The following TRAPPC9 variants were observed in gnomAD, a reference collection of about 807,000 sequenced individuals.
TRAPPC9 encodes IKK2 binding protein.
TRAPPC9 carries 83 observed loss-of-function variants against 124.0 expected under a neutral mutation model. The ratio of observed to expected loss-of-function variants is 0.67; its 90% CI spans 0.56 to 0.80. The LOEUF is 0.80. Ranked by LOEUF, TRAPPC9 falls within the 30% of genes least tolerant of loss-of-function variation. TRAPPC9 has a pLI of 0.00. For synonymous variants in TRAPPC9, 638 were observed against 617.5 expected, an observed-to-expected ratio of 1.03 and a Z score of -0.49; for missense variants, 1,302 against 1,508.3, an observed-to-expected ratio of 0.86 and a Z score of 2.27.
chr8:139,902,442 G>C (rs1022220739), intron 20 of TRAPPC9, among the ~76,000 whole-genome samples: 3 of 152,212 alleles, frequency 2.0e-5, no homozygotes, highest in African/African-American at 7.2e-5. Context: ...TGCTACGGGA[G>C]ATTAAAGGCC....
intron 18 of TRAPPC9, among the ~76,000 whole-genome samples, chr8:139,995,861 TAAA>T (rs35970083): frequency 8.6e-4 from 83 of 96,890 alleles, no homozygotes; most frequent in African/African-American, 3.1e-3. Context: ...TACTCTGCAT[TAAA>T]AAAAAAAAAA....
intron 17 of TRAPPC9, among the ~76,000 whole-genome samples, chr8:140,134,352 C>T (rs4736142): frequency 0.44 from 66,098 of 151,846 alleles, 14,580 homozygotes; most frequent in African/African-American, 0.5. Flanking sequence ...CTGCAACCTC[C>T]GCCTCCTGAG....
At chr8:140,222,871 A>G (rs1290541581) in intron 16 of TRAPPC9, among the ~76,000 whole-genome samples, 1 of 152,202 alleles carries the variant, frequency 6.6e-6, no homozygotes, top group Non-Finnish European at 1.5e-5. Flanking sequence ...AACTTGTGCA[A>G]GAAATCACGT....
chr8:140,323,381 G>A (rs577050921), intron 9 of TRAPPC9, among the ~76,000 whole-genome samples: 6 of 152,164 alleles, frequency 3.9e-5, no homozygotes, highest in East Asian at 1.9e-4. Context: ...AGGAGGAGGC[G>A]GTAGAATCTC....
intron 18 of TRAPPC9, among the ~76,000 whole-genome samples, chr8:140,016,084 G>A (rs75037527): frequency 1.3e-5 from 2 of 152,164 alleles, no homozygotes; most frequent in East Asian, 3.9e-4. Context: ...TTAGTACAAC[G>A]TTTCATTTTT....
intron 15 of TRAPPC9, among the ~76,000 whole-genome samples, chr8:140,267,946 G>A (rs1327370881): frequency 2.4e-4 from 37 of 152,042 alleles, no homozygotes; most frequent in Non-Finnish European, 2.9e-5. Flanking sequence ...AATTACAGGC[G>A]TGAGCCACCA....
chr8:139,988,576 A>C (rs930458930), intron 19 of TRAPPC9, 150 bp downstream of exon 19: 1 of 641,520 alleles, frequency 1.6e-6, no homozygotes, highest in African/African-American at 1.8e-5. Context: ...TTCTCCCACC[A>C]AACTTGAATA....
rs1297780010 is a variant in TRAPPC9 at position 140,216,063 on chromosome 8, AAAG to A, written c.2556+5393_2556+5395del. 3.3e-5 allele frequency: 5 copies of A among 152,352 alleles called. No individual in the cohort carries two copies. The highest frequency in any genetic ancestry group is 6.5e-5 in the Admixed American group (1 of 15,304). 9.4% of individuals were successfully genotyped at this position (152,352 alleles called of 1,614,324 possible). Reference sequence around the variant, plus strand: ...GGTAAAATTCAGAAAAGCTGTAGTGAAAGAAGAAGGTGTCACAGTGTAACTGAC... The same window carrying A: ...GGTAAAATTCAGAAAAGCTGTAGTGAAAGAAGGTGTCACAGTGTAACTGAC... On this transcript the variant is annotated intron_variant, in intron 17 of 22. Transcript: ENST00000438773. This position sits in a 1 kb window ranked among gnomAD's most constrained non-coding sequence, Gnocchi z 4.1.
intron 9 of TRAPPC9, among the ~76,000 whole-genome samples, chr8:140,339,088 C>T (rs950254664): frequency 5.3e-5 from 8 of 150,110 alleles, no homozygotes; most frequent in Non-Finnish European, 7.4e-5. Context: ...TACAGGCCGA[C>T]GGGAAACGGC....
At chr8:140,143,703 C>T (rs920866419) in intron 17 of TRAPPC9, among the ~76,000 whole-genome samples, 4 of 152,182 alleles carry the variant, frequency 2.6e-5, no homozygotes, top group East Asian at 1.9e-4. Context: ...TTTATCCTAC[C>T]GGGTGCTGAT....
At chr8:140,165,199 G>A (rs377288528) in intron 17 of TRAPPC9, among the ~76,000 whole-genome samples, 1 of 152,070 alleles carries the variant, frequency 6.6e-6, no homozygotes, top group Admixed American at 6.5e-5. Context: ...AAATTAGCCA[G>A]GCGTGGTGGC....
At chr8:139,891,788 G>A (rs1299349013) in intron 20 of TRAPPC9, among the ~76,000 whole-genome samples, 2 of 152,238 alleles carry the variant, frequency 1.3e-5, no homozygotes, top group Non-Finnish European at 2.9e-5. Flanking sequence ...CATCTCCAGG[G>A]TGCGTGCTGC....
In TRAPPC9 at chr8:140,216,474, C is replaced by T. The variant is rs1211057504; in HGVS notation, c.2556+4985G>A. Among the ~76,000 whole-genome samples the T allele has an allele frequency of 6.6e-6, 1 of 152,180 alleles. No homozygotes were observed. Among genetic ancestry groups the T allele is most frequent in the Non-Finnish European group, 1.5e-5 (1 of 68,030 alleles). ...CTGTAAGAGCCTATCCTGTGAGACA[C>T]AGAAAAAATCCTCTTCTTGTCTAAC... On this transcript the variant is annotated intron_variant, in intron 17 of 22. Transcript: ENST00000438773. The surrounding 1 kb of genome is among the most constrained non-coding windows in gnomAD (Gnocchi z 4.1).
chr8:140,324,938 C>G (rs2066698755), intron 9 of TRAPPC9, among the ~76,000 whole-genome samples: 2 of 151,824 alleles, frequency 1.3e-5, no homozygotes. Flanking sequence ...GAAAATCCAC[C>G]AAGACAGACC....
intron 11 of TRAPPC9, among the ~76,000 whole-genome samples, chr8:140,297,028 G>T (rs2065823362): frequency 6.6e-6 from 1 of 152,212 alleles, no homozygotes; most frequent in African/African-American, 2.4e-5. Flanking sequence ...ACGCCCTCCA[G>T]AGAGGAAAGG....
At chr8:140,147,488 G>A (rs954429625) in intron 17 of TRAPPC9, among the ~76,000 whole-genome samples, 5 of 152,202 alleles carry the variant, frequency 3.3e-5, no homozygotes, top group Non-Finnish European at 5.9e-5. Context: ...TGAGCTGGCC[G>A]TGTCAGACAA....
intron 21 of TRAPPC9, among the ~76,000 whole-genome samples, chr8:139,737,715 G>T (rs1386537742): frequency 6.6e-6 from 1 of 152,186 alleles, no homozygotes; most frequent in African/African-American, 2.4e-5. Context: ...ATTGGCTGGA[G>T]AACGGACTGT....
chr8:140,277,660 C>T (rs1185016745), intron 14 of TRAPPC9, among the ~76,000 whole-genome samples: 1 of 152,188 alleles, frequency 6.6e-6, no homozygotes. Flanking sequence ...GGGTGGGAAT[C>T]GGGCTGGCAC....
chr8:140,308,986 C>T (rs2131869339), intron 10 of TRAPPC9, among the ~76,000 whole-genome samples: 1 of 152,290 alleles, frequency 6.6e-6, no homozygotes. Context: ...GGAGCTCTGC[C>T]ACAGGAGCCT....
Sources: allele counts gnomAD v4.1 joint callset (sites outside exome capture counted in the v4.1 genomes callset), GRCh38; gene constraint gnomAD v4.1.1; non-coding constraint Gnocchi (gnomAD v3.1); transcripts MANE v1.5; gene names NCBI Gene and HGNC (gene_info 2026-07-23, HGNC 2026-07-21).